The following PPM1H variants were observed in gnomAD, a reference collection of about 807,000 sequenced individuals.
The protein encoded by PPM1H is protein phosphatase, Mg2+/Mn2+ dependent 1H.
Under a neutral mutation model 54.9 loss-of-function variants are expected in PPM1H, and 27 were observed. That is an observed-to-expected ratio of 0.49 (90% CI 0.36 to 0.68). PPM1H has a LOEUF of 0.68. Ranked by LOEUF, PPM1H falls within the 30% of genes least tolerant of loss-of-function variation. PPM1H has a pLI of 0.00. For synonymous variants in PPM1H, 305 were observed against 270.8 expected, an observed-to-expected ratio of 1.13 and a Z score of -1.24; for missense variants, 596 against 667.8, an observed-to-expected ratio of 0.89 and a Z score of 1.19.
chr12:62,927,201 C>G (rs1435328014), intron 1 of PPM1H, among the ~76,000 whole-genome samples: 1 of 152,128 alleles, frequency 6.6e-6, no homozygotes, highest in Non-Finnish European at 1.5e-5. Flanking sequence ...TAGCTTCTAA[C>G]CAAGCTTTCC....
At chr12:62,932,628 C>CTTTTTTTTTTTTT (rs61003358) in intron 1 of PPM1H, among the ~76,000 whole-genome samples, 1,766 of 54,020 alleles carry the variant, frequency 0.033, 579 homozygotes, top group South Asian at 0.046. Flanking sequence ...TCCAAATGGG[C>CTTTTTTTTTTTTT]TTTTTTTTTT....
intron 4 of PPM1H, among the ~76,000 whole-genome samples, chr12:62,785,736 T>C (rs1442083357): frequency 1.3e-5 from 2 of 152,004 alleles, no homozygotes; most frequent in African/African-American, 2.4e-5. Flanking sequence ...AGATGAACTC[T>C]TGGGACTGGC....
chr12:62,918,422 A>C (rs918209031), intron 1 of PPM1H, among the ~76,000 whole-genome samples: 1 of 152,248 alleles, frequency 6.6e-6, no homozygotes, highest in Admixed American at 6.5e-5. Flanking sequence ...ATTGAAACCT[A>C]AATATTAAGG....
intron 2 of PPM1H, among the ~76,000 whole-genome samples, chr12:62,810,371 G>C (rs976071244): frequency 6.6e-6 from 1 of 152,160 alleles, no homozygotes; most frequent in Non-Finnish European, 1.5e-5. Context: ...GAATCTCAGA[G>C]GGGCTCCAAA....
intron 1 of PPM1H, among the ~76,000 whole-genome samples, chr12:62,866,945 AC>A (rs1226412919): frequency 2.0e-5 from 3 of 150,748 alleles, no homozygotes; most frequent in Non-Finnish European, 4.4e-5. Context: ...TCCACCCCAC[AC>A]CCCATGCTTT....
intron 1 of PPM1H, among the ~76,000 whole-genome samples, chr12:62,898,186 A>G (rs1192631436): frequency 2.0e-5 from 3 of 152,254 alleles, no homozygotes; most frequent in Non-Finnish European, 4.4e-5. Context: ...AATAGATGCA[A>G]AATACTTCCA....
chr12:62,865,825 T>C (rs1230729317), intron 1 of PPM1H, among the ~76,000 whole-genome samples: 2 of 152,192 alleles, frequency 1.3e-5, no homozygotes, highest in African/African-American at 2.4e-5. Context: ...CAGGTTTCTC[T>C]TTCTAGGTAA....
At chr12:62,882,224 T>G (rs1480246017) in intron 1 of PPM1H, among the ~76,000 whole-genome samples, 3 of 152,258 alleles carry the variant, frequency 2.0e-5, no homozygotes, top group Non-Finnish European at 2.9e-5. Context: ...CTATACACTA[T>G]GTGCCAGGTG....
chr12:62,715,136 A>G (rs1565766160), intron 6 of PPM1H, among the ~76,000 whole-genome samples: 1 of 152,258 alleles, frequency 6.6e-6, no homozygotes, highest in Non-Finnish European at 1.5e-5. Flanking sequence ...TAACATAGAC[A>G]CTTGCCAGTA....
chr12:62,904,744 A>T (rs11174717), intron 1 of PPM1H, among the ~76,000 whole-genome samples: 30,693 of 152,152 alleles, frequency 0.2, 3,278 homozygotes, highest in East Asian at 0.3. Context: ...GACCATCAGC[A>T]TGTGGACTGT....
At chr12:62,737,041 C>G (rs2120524076) in intron 5 of PPM1H, among the ~76,000 whole-genome samples, 1 of 152,212 alleles carries the variant, frequency 6.6e-6, no homozygotes, top group South Asian at 2.1e-4. Flanking sequence ...GACTTCATAT[C>G]TGAGCATGAA....
At chr12:62,703,100 A>G (rs1477700297) in intron 6 of PPM1H, among the ~76,000 whole-genome samples, 1 of 152,174 alleles carries the variant, frequency 6.6e-6, no homozygotes, top group Non-Finnish European at 1.5e-5. Context: ...TCGGAGCCTC[A>G]TTCTTTCTTC....
At chr12:62,826,772 C>G (rs1047321915) in intron 2 of PPM1H, among the ~76,000 whole-genome samples, 3 of 152,164 alleles carry the variant, frequency 2.0e-5, no homozygotes, top group African/African-American at 7.2e-5. Context: ...ATATGTATTC[C>G]AGAGGGACTT....
rs766331204 is a variant in PPM1H, at chr12:62,689,801, C to A, written c.1143G>T (p.Arg381=). The A allele has an allele frequency of 3.1e-6, 5 of 1,611,514 alleles. No individual in the cohort carries two copies. The African/African-American group carries it at 5.3e-5, about 17-fold the overall frequency. ...TGGTCACTCCAATAGTTGCCATTAC[C>A]CGGGCCTAGGAGTATAAGCAGAGGG... ...PLIYGEGKKA[R]VMATIGVTRG... Residue 381 remains arginine, a synonymous_variant, in exon 8 of 10, where the codon CGG becomes CGT. Coordinates refer to ENST00000228705, the MANE Select transcript of PPM1H (RefSeq NM_020700.2).
intron 1 of PPM1H, among the ~76,000 whole-genome samples, chr12:62,875,396 T>C (rs955490878): frequency 1.3e-5 from 2 of 152,134 alleles, no homozygotes; most frequent in South Asian, 2.1e-4. Flanking sequence ...GGAAGGCAAA[T>C]TGAAGGAAAT....
intron 4 of PPM1H, among the ~76,000 whole-genome samples, chr12:62,749,302 C>T (rs2076428493): frequency 6.6e-6 from 1 of 152,234 alleles, no homozygotes; most frequent in South Asian, 2.1e-4. Context: ...CAACATTAAA[C>T]TGCACATTTC....
At chr12:62,715,504 G>A (rs759539313) in intron 6 of PPM1H, among the ~76,000 whole-genome samples, 6 of 152,092 alleles carry the variant, frequency 3.9e-5, no homozygotes, top group African/African-American at 7.2e-5. Context: ...AGGTCCTGGT[G>A]ACAATAACCT....
chr12:62,728,005 A>G (rs762276139), intron 5 of PPM1H, among the ~76,000 whole-genome samples: 4 of 152,168 alleles, frequency 2.6e-5, no homozygotes, highest in Non-Finnish European at 5.9e-5. Context: ...CCGATTAAAA[A>G]AAAAGGATCT....
At chr12:62,860,331 C>T (rs1403222355) in intron 1 of PPM1H, among the ~76,000 whole-genome samples, 1 of 152,056 alleles carries the variant, frequency 6.6e-6, no homozygotes, top group African/African-American at 2.4e-5. Flanking sequence ...ATAGGAACTA[C>T]AATTCAAGAT....
Sources: allele counts gnomAD v4.1 joint callset (sites outside exome capture counted in the v4.1 genomes callset), GRCh38; gene constraint gnomAD v4.1.1; transcripts MANE v1.5; gene names NCBI Gene and HGNC (gene_info 2026-07-23, HGNC 2026-07-21).